The following CSMD1 variants were observed in gnomAD, a reference collection of about 807,000 sequenced individuals.
The protein encoded by CSMD1 is CUB and Sushi multiple domains 1.
A neutral mutation model predicts 417.5 loss-of-function variants in CSMD1; 213 were observed. That is an observed-to-expected ratio of 0.51 (90% CI 0.46 to 0.57). CSMD1 has a LOEUF of 0.57. Among genes scored for constraint, CSMD1 ranks in the 20% least tolerant of loss-of-function variants. The pLI, the probability that CSMD1 is intolerant of heterozygous loss-of-function variation, is 0.00. For synonymous variants in CSMD1, 2,862 were observed against 1,736.8 expected, an observed-to-expected ratio of 1.65 and a Z score of -16.11; for missense variants, 6,923 against 4,529.7, an observed-to-expected ratio of 1.53 and a Z score of -15.17.
chr8:3,792,567 C>T (rs1410696713), intron 5 of CSMD1, among the ~76,000 whole-genome samples: 1 of 152,180 alleles, frequency 6.6e-6, no homozygotes, highest in Non-Finnish European at 1.5e-5. Context: ...GGAATTGACT[C>T]CTCCTTTGTT....
intron 42 of CSMD1, among the ~76,000 whole-genome samples, chr8:3,112,018 C>T (rs1440603846): frequency 6.6e-6 from 1 of 151,820 alleles, no homozygotes; most frequent in East Asian, 2.0e-4. Flanking sequence ...TCACCGCTTC[C>T]TTAAGGTCTT....
chr8:4,315,565 G>A (rs932724334), intron 3 of CSMD1, among the ~76,000 whole-genome samples: 5 of 152,160 alleles, frequency 3.3e-5, no homozygotes, highest in Admixed American at 6.5e-5. Flanking sequence ...TGCTTAAGGA[G>A]AACCAATCTT....
chr8:4,350,584 G>A (rs547631303), intron 3 of CSMD1, among the ~76,000 whole-genome samples: 5 of 152,222 alleles, frequency 3.3e-5, no homozygotes, highest in African/African-American at 9.6e-5. Flanking sequence ...ACACTTCCAC[G>A]CTTACAATGA....
intron 7 of CSMD1, among the ~76,000 whole-genome samples, chr8:3,646,358 T>C (rs1026541976): frequency 6.6e-6 from 1 of 152,204 alleles, no homozygotes; most frequent in Non-Finnish European, 1.5e-5. Flanking sequence ...TATATGTATT[T>C]TCCAACTTTT....
At chr8:4,872,945 T>A (rs1802819148) in intron 1 of CSMD1, among the ~76,000 whole-genome samples, 1 of 152,102 alleles carries the variant, frequency 6.6e-6, no homozygotes. Context: ...CCATCTCTAT[T>A]GAAGTATGAC....
chr8:3,298,962 A>G (rs1052987185), intron 25 of CSMD1, among the ~76,000 whole-genome samples: 4 of 152,170 alleles, frequency 2.6e-5, no homozygotes, highest in African/African-American at 9.6e-5. Context: ...GCTAATGAGA[A>G]GCTTACACAG....
chr8:3,633,986 A>C (rs1796910808), intron 7 of CSMD1, among the ~76,000 whole-genome samples: 1 of 149,748 alleles, frequency 6.7e-6, no homozygotes, highest in Admixed American at 6.7e-5. Context: ...AATATGCATG[A>C]CCCTTATATA....
intron 41 of CSMD1, among the ~76,000 whole-genome samples, chr8:3,138,683 G>C (rs1201685405): frequency 6.6e-6 from 1 of 152,292 alleles, no homozygotes; most frequent in Admixed American, 6.5e-5. Flanking sequence ...GGCTGAGATT[G>C]CTACACGTGC....
intron 1 of CSMD1, among the ~76,000 whole-genome samples, chr8:4,930,857 T>C (rs1168239030): frequency 6.6e-6 from 1 of 152,258 alleles, no homozygotes; most frequent in Non-Finnish European, 1.5e-5. Context: ...TCTTAATTTC[T>C]TAATAAAGGG....
intron 5 of CSMD1, among the ~76,000 whole-genome samples, chr8:3,772,830 C>A (rs185159456): frequency 6.6e-6 from 1 of 151,914 alleles, no homozygotes; most frequent in Admixed American, 6.6e-5. Flanking sequence ...CATCTTACAG[C>A]ACCTCCCAAC....
intron 21 of CSMD1, among the ~76,000 whole-genome samples, chr8:3,352,527 C>T (rs2593609): frequency 0.49 from 73,884 of 151,996 alleles, 18,243 homozygotes; most frequent in East Asian, 0.66. Context: ...GTCACTTACA[C>T]AGTGCATGTT....
chr8:4,110,938 G>A (rs950648971), intron 3 of CSMD1, among the ~76,000 whole-genome samples: 3 of 152,070 alleles, frequency 2.0e-5, no homozygotes, highest in South Asian at 2.1e-4. Context: ...GTACTCAGCT[G>A]ATCAATTAAT....
rs1240081986 is a variant in CSMD1 at position 2,942,491 on chromosome 8, A to T, written c.10516T>A (p.Phe3506Ile). Residue 3506 changes from phenylalanine to isoleucine, a missense_variant, in exon 69 of 70, where the codon TTT (phenylalanine) becomes ATT (isoleucine). Coordinates refer to ENST00000635120, the MANE Select transcript of CSMD1 (RefSeq NM_033225.6). ...FFALILSGFAFYLYKHRTRPK... is the reference protein window; with the variant it reads ...FFALILSGFAIYLYKHRTRPK... ...CAGTACCTGTGTTTGTAGAGGTAAA[A>T]TGCAAACCCTGATAAAATTAGAGCA... The T allele has an allele frequency of 1.2e-6, 2 of 1,613,142 alleles. No homozygotes were observed. The highest frequency in any genetic ancestry group is 8.5e-7 in the Non-Finnish European group (1 of 1,179,540).
chr8:3,126,797 T>C (rs1585416151), intron 41 of CSMD1, among the ~76,000 whole-genome samples: 2 of 152,272 alleles, frequency 1.3e-5, no homozygotes, highest in East Asian at 3.9e-4. Flanking sequence ...TGTCAGAGTT[T>C]TGGGCCTCGC....
chr8:4,856,868 G>A (rs1367855526), intron 1 of CSMD1, among the ~76,000 whole-genome samples: 1 of 151,980 alleles, frequency 6.6e-6, no homozygotes, highest in Non-Finnish European at 1.5e-5. Context: ...GAGACAGAAA[G>A]TCAACAAGGA....
chr8:4,405,793 T>A (rs994741755), intron 3 of CSMD1, among the ~76,000 whole-genome samples: 3 of 152,164 alleles, frequency 2.0e-5, no homozygotes, highest in Non-Finnish European at 2.9e-5. Context: ...GTTGAGTGAT[T>A]TTAGACACAT....
chr8:4,644,768 C>G (rs969430723), intron 1 of CSMD1, among the ~76,000 whole-genome samples: 9 of 152,226 alleles, frequency 5.9e-5, no homozygotes, highest in Admixed American at 3.3e-4. Flanking sequence ...TATTTACTTG[C>G]TTACGCATTG....
intron 5 of CSMD1, among the ~76,000 whole-genome samples, chr8:3,925,652 G>C (rs1472185539): frequency 6.6e-6 from 1 of 152,010 alleles, no homozygotes; most frequent in East Asian, 2.0e-4. Flanking sequence ...GCTTATCAGA[G>C]GTTTCCACTT....
chr8:4,171,126 G>C lies in CSMD1; in HGVS notation c.416-139027C>G, dbSNP rs376916028. 3.3e-5 allele frequency among the ~76,000 whole-genome samples: 5 copies of C among 151,820 alleles called. No homozygotes were observed. The East Asian group carries it at 5.8e-4, about 18-fold the overall frequency. On this transcript the variant is annotated intron_variant, in intron 3 of 69. Transcript: ENST00000635120. ...TACCTGCCCTTCAGCACACAAAGGT[G>C]AGGTATCCATGCTCCTGCTTAGTGC...
Sources: gnomAD v4.1 joint callset for allele counts (sites outside exome capture counted in the v4.1 genomes callset) on GRCh38, gnomAD v4.1.1 for gene constraint, MANE v1.5 for transcripts, NCBI Gene and HGNC (gene_info 2026-07-23, HGNC 2026-07-21) for gene names.